GYS2: variants seen among roughly 807,000 people sequenced by gnomAD.
The protein encoded by GYS2 is glycogen [starch] synthase, liver.
GYS2 carries 80 observed loss-of-function variants against 85.6 expected under a neutral mutation model. That is an observed-to-expected ratio of 0.93 (90% CI 0.78 to 1.13). The LOEUF is 1.13. GYS2 is among the 50% of genes most tolerant of loss of function. The pLI, the probability that GYS2 is intolerant of heterozygous loss-of-function variation, is 0.00. For missense variants in GYS2, 881 were observed against 854.9 expected, an observed-to-expected ratio of 1.03 and a Z score of -0.38; for synonymous variants, 328 against 300.7, an observed-to-expected ratio of 1.09 and a Z score of -0.94.
chr12:21,564,021 C>A (rs1944288171), intron 5 of GYS2, among the ~76,000 whole-genome samples: 2 of 152,106 alleles, frequency 1.3e-5, no homozygotes, highest in Non-Finnish European at 2.9e-5. Context: ...GATTTTGTTG[C>A]TCAGGCAGGA....
rs1447024167 is a variant in GYS2, at chr12:21,536,479, GTGAAAAA to G, written c.*468_*474del. On this transcript the variant is annotated 3_prime_UTR_variant, in exon 16 of 16. Coordinates refer to ENST00000261195, the MANE Select transcript of GYS2 (RefSeq NM_021957.4). ...CATCTAAATCATGGTTCTGATGCAT[GTGAAAAA>G]TGAAAATAATCAGTAAAAACCTAGC... 10 of 181,346 alleles carry G rather than the reference GTGAAAAA, an allele frequency of 5.5e-5. No homozygotes were observed. The highest frequency in any genetic ancestry group is 2.2e-4 in the African/African-American group (9 of 41,776). The allele number at this position is 181,346 out of a possible 1,614,324, so 11.2% of individuals were successfully genotyped here.
At chr12:21,597,385 T>G (rs1944708453) in intron 1 of GYS2, among the ~76,000 whole-genome samples, 1 of 151,950 alleles carries the variant, frequency 6.6e-6, no homozygotes, top group Non-Finnish European at 1.5e-5. Flanking sequence ...ATTAAAAAAT[T>G]GGCAAAGGAT....
intron 11 of GYS2, among the ~76,000 whole-genome samples, chr12:21,548,279 C>T (rs1012148775): frequency 1.3e-5 from 2 of 152,152 alleles, no homozygotes; most frequent in African/African-American, 4.8e-5. Context: ...GTAAATGAAG[C>T]CATGATTCGT....
At position 21,575,895 on chromosome 12, in the gene GYS2, CA is replaced by C. The variant is rs763929651; in HGVS notation, c.465del (p.Phe155LeufsTer4). The C allele has an allele frequency of 5.0e-6, 8 of 1,613,710 alleles. No individual in the cohort carries two copies. The highest frequency in any genetic ancestry group is 5.9e-6 in the Non-Finnish European group (7 of 1,179,728). On this transcript the variant is annotated frameshift_variant, in exon 3 of 16. Transcript: ENST00000261195. LOFTEE classifies it high-confidence loss of function. ...HDREANDMLI[F>X]GSLTAWFLKE... is the part of the protein sequence containing the mutation. ...TTTAAGAACCAGGCAGTTAAAGATCCAAATATCAGCATATCATTGGCTTCTC... is the reference window on the plus strand; with the variant it reads ...TTTAAGAACCAGGCAGTTAAAGATCCAATATCAGCATATCATTGGCTTCTC...
intron 8 of GYS2, 25 bp downstream of exon 8, chr12:21,560,361 G>T: frequency 8.6e-7 from 1 of 1,169,220 alleles, no homozygotes; most frequent in Non-Finnish European, 1.3e-6. Flanking sequence ...TATTGCTAGA[G>T]AACATTCACA....
intron 1 of GYS2, among the ~76,000 whole-genome samples, chr12:21,598,584 A>G (rs959765300): frequency 1.3e-5 from 2 of 152,032 alleles, no homozygotes; most frequent in African/African-American, 2.4e-5. Flanking sequence ...TTTTGCCCCA[A>G]ACTTCTCTCT....
Position 21,559,643 on chromosome 12 carries a change from G to A in GYS2, c.1229+8C>T. On this transcript the variant is annotated splice_region_variant and intron_variant, in intron 9 of 15. Coordinates refer to ENST00000261195, the MANE Select transcript of GYS2 (RefSeq NM_021957.4). ...GTGATTGAAGTAGAAAGCATTTCAA[G>A]CACCTACCTTAATAATGCATCATAG... 6.9e-7 allele frequency: 1 copy of A among 1,454,414 alleles called. No homozygotes were observed. Among genetic ancestry groups the A allele is most frequent in the Non-Finnish European group, 9.7e-7 (1 of 1,033,938 alleles). 90.1% of individuals were successfully genotyped at this position (1,454,414 alleles called of 1,614,324 possible).
At chr12:21,580,922 T>G (rs909006328) in intron 1 of GYS2, among the ~76,000 whole-genome samples, 13 of 152,202 alleles carry the variant, frequency 8.5e-5, no homozygotes, top group Non-Finnish European at 1.5e-4. Flanking sequence ...AGAAATCACT[T>G]TCACCTCTCT....
chr12:21,562,225 T>G (rs1251867765), intron 7 of GYS2, among the ~76,000 whole-genome samples: 1 of 152,156 alleles, frequency 6.6e-6, no homozygotes, highest in African/African-American at 2.4e-5. Context: ...TGCTTTCATG[T>G]GGTGTGACAT....
In GYS2 at chr12:21,537,439, A is replaced by ACATTTT. The variant is rs1943923111; in HGVS notation, c.1891-265_1891-264insAAAATG. The stretch of plus-strand genomic sequence containing the variant: ...CATCTTATCTTTTAACAACACTCTG[A>ACATTTT]TAAATATGTTTTTTTCAGTACAGAA... On this transcript the variant is annotated intron_variant, in intron 15 of 15. Coordinates refer to ENST00000261195, the MANE Select transcript of GYS2 (RefSeq NM_021957.4). 8.5e-5 allele frequency: 41 copies of ACATTTT among 484,108 alleles called. No homozygotes were observed. The South Asian group carries it at 8.9e-4, about 11-fold the overall frequency. The allele number at this position is 484,108 out of a possible 1,614,324, so 30.0% of individuals were successfully genotyped here. A position where few individuals can be genotyped will look rare whatever the true frequency, so the allele number is the denominator to read the frequency against.
At chr12:21,574,681 T>G (rs7979105) in intron 3 of GYS2, among the ~76,000 whole-genome samples, 83,882 of 151,830 alleles carry the variant, frequency 0.55, 24,288 homozygotes, top group East Asian at 0.82. Flanking sequence ...TTCTTAAAGA[T>G]ATCACTGAAC....
Position 21,604,574 on chromosome 12 carries a change from G to C in GYS2, c.19C>G (p.Leu7Val). The C allele has an allele frequency of 6.2e-7, 1 of 1,612,550 alleles. No individual in the cohort carries two copies. The highest frequency in any genetic ancestry group is 1.1e-5 in the South Asian group (1 of 91,050). Residue 7 changes from leucine to valine, a missense_variant, in exon 1 of 16, where the codon CTC becomes GTC. Physicochemically the swap from Leu to Val is conservative, Grantham distance 32. Coordinates refer to ENST00000261195, the MANE Select transcript of GYS2 (RefSeq NM_021957.4). ...AGCCCACCCAGGGATGTTACAGAGAGGGATCGGCCTCGAAGCATTCTTCTT... is the reference window on the plus strand; with the variant it reads ...AGCCCACCCAGGGATGTTACAGAGACGGATCGGCCTCGAAGCATTCTTCTT... MLRGRS[L>V]SVTSLGGLPQ...
Position 21,595,550 on chromosome 12 carries a change from C to T in GYS2, c.121+8922G>A, listed in dbSNP as rs558014466. The stretch of plus-strand genomic sequence containing the variant: ...CCCTGAGCAGGCCATTCCTGCCTGG[C>T]ATAGCCAGGCATTTACATTACTAAC... On this transcript the variant is annotated intron_variant, in intron 1 of 15. Transcript: ENST00000261195. Among the ~76,000 whole-genome samples the T allele has an allele frequency of 7.3e-4, 111 of 152,310 alleles. No homozygotes were observed. The South Asian group carries it at 0.012, about 16-fold the overall frequency.
intron 11 of GYS2, among the ~76,000 whole-genome samples, chr12:21,548,879 A>G (rs1274821582): frequency 6.6e-6 from 1 of 151,816 alleles, no homozygotes; most frequent in Non-Finnish European, 1.5e-5. Flanking sequence ...TCTATTTCCT[A>G]CTATTTTCTC....
intron 4 of GYS2, among the ~76,000 whole-genome samples, chr12:21,572,724 A>G (rs1260490699): frequency 3.3e-5 from 5 of 152,216 alleles, no homozygotes; most frequent in African/African-American, 7.2e-5. Context: ...AAAGGGTAAA[A>G]TTGTAATATA....
At chr12:21,578,753 A>G (rs1379245181) in intron 2 of GYS2, among the ~76,000 whole-genome samples, 1 of 151,908 alleles carries the variant, frequency 6.6e-6, no homozygotes, top group Non-Finnish European at 1.5e-5. Flanking sequence ...TTCTTTCAGT[A>G]TTGCTTTGGA....
chr12:21,598,487 T>A (rs1035862671), intron 1 of GYS2, among the ~76,000 whole-genome samples: 1 of 152,040 alleles, frequency 6.6e-6, no homozygotes, highest in Non-Finnish European at 1.5e-5. Context: ...TTTTTTGTCC[T>A]CCCCATATTT....
intron 7 of GYS2, among the ~76,000 whole-genome samples, chr12:21,562,484 C>T (rs1187654215): frequency 1.3e-5 from 2 of 152,122 alleles, no homozygotes; most frequent in African/African-American, 4.8e-5. Flanking sequence ...TGCGTATTGT[C>T]ATGTGCATAA....
chr12:21,585,186 G>C (rs1944558842), intron 1 of GYS2, among the ~76,000 whole-genome samples: 1 of 152,138 alleles, frequency 6.6e-6, no homozygotes. Flanking sequence ...TTTGCTTCCT[G>C]TTCCCATGGC....
Sources: allele counts gnomAD v4.1 joint callset (sites outside exome capture counted in the v4.1 genomes callset), GRCh38; gene constraint gnomAD v4.1.1; transcripts MANE v1.5; gene names NCBI Gene and HGNC (gene_info 2026-07-23, HGNC 2026-07-21).